The following PTPRA variants were observed in gnomAD, a reference collection of about 807,000 sequenced individuals.
The protein encoded by PTPRA is receptor-type tyrosine-protein phosphatase alpha.
PTPRA carries 25 observed loss-of-function variants against 104.8 expected under a neutral mutation model. The observed-to-expected ratio is 0.24, with a 90% confidence interval of 0.17 to 0.33. PTPRA has a LOEUF of 0.33. Among genes scored for constraint, PTPRA ranks in the 10% least tolerant of loss-of-function variants. The pLI is 1.00. For missense variants in PTPRA, 765 were observed against 1,015.3 expected (o/e 0.75, Z 3.35); for synonymous variants, 323 against 368.9 (o/e 0.88, Z 1.43).
At chr20:2,985,753 G>T (rs1216016092) in intron 6 of PTPRA, among the ~76,000 whole-genome samples, 1 of 152,178 alleles carries the variant, frequency 6.6e-6, no homozygotes, top group Non-Finnish European at 1.5e-5. Context: ...GGTGGCTGAG[G>T]ATCTAATAAT....
chr20:2,955,010 G>A (rs1469380407), intron 3 of PTPRA, among the ~76,000 whole-genome samples: 1 of 152,130 alleles, frequency 6.6e-6, no homozygotes, highest in Non-Finnish European at 1.5e-5. Context: ...TCTGTTACTG[G>A]TTCTATATTT....
intron 6 of PTPRA, among the ~76,000 whole-genome samples, chr20:2,977,657 G>A (rs1055115315): frequency 6.6e-6 from 1 of 151,674 alleles, no homozygotes; most frequent in Non-Finnish European, 1.5e-5. Context: ...AAAAAAAAAG[G>A]GCGGGGATTA....
chr20:2,907,518 A>T (rs1229650684), intron 1 of PTPRA, among the ~76,000 whole-genome samples: 2 of 152,264 alleles, frequency 1.3e-5, no homozygotes, highest in African/African-American at 2.4e-5. Context: ...AAACATGAAT[A>T]ACCACCTTAC....
intron 9 of PTPRA, among the ~76,000 whole-genome samples, chr20:3,002,415 C>T (rs751493017): frequency 6.7e-6 from 1 of 149,966 alleles, no homozygotes; most frequent in Non-Finnish European, 1.5e-5. Context: ...CAACCTCCAT[C>T]TCCCGGGTTC....
chr20:2,998,696 A>G (rs1018525907), intron 9 of PTPRA, among the ~76,000 whole-genome samples: 1 of 152,152 alleles, frequency 6.6e-6, no homozygotes, highest in South Asian at 2.1e-4. Flanking sequence ...ACTGGTGACT[A>G]TTGGGTGAGA....
At chr20:2,908,064 A>G (rs772038943) in intron 1 of PTPRA, among the ~76,000 whole-genome samples, 5 of 152,132 alleles carry the variant, frequency 3.3e-5, no homozygotes, top group Non-Finnish European at 7.4e-5. Flanking sequence ...CTAGAATATT[A>G]CTTTTCTTGC....
chr20:2,989,628 G>C (rs1368358930), intron 9 of PTPRA, among the ~76,000 whole-genome samples: 11 of 152,148 alleles, frequency 7.2e-5, no homozygotes, highest in Admixed American at 7.2e-4. Context: ...AGCTTCAAAG[G>C]AGGATAAGAG....
intron 5 of PTPRA, among the ~76,000 whole-genome samples, chr20:2,970,964 A>G (rs985181893): frequency 6.6e-6 from 1 of 152,184 alleles, no homozygotes; most frequent in Non-Finnish European, 1.5e-5. Context: ...CCTATCTTAT[A>G]TATTGAATTC....
At chr20:2,867,474 T>C in the PTPRA span, among the ~76,000 whole-genome samples, 1 of 131,748 alleles carries the variant, frequency 7.6e-6, no homozygotes, top group Non-Finnish European at 1.6e-5. Flanking sequence ...CTATCTAGCC[T>C]TCCGTTGGCA....
At chr20:3,010,150 G>A (rs2064089557) in intron 11 of PTPRA, among the ~76,000 whole-genome samples, 1 of 151,268 alleles carries the variant, frequency 6.6e-6, no homozygotes, top group Non-Finnish European at 1.5e-5. Flanking sequence ...GTGCCCAGCT[G>A]GAACATTTAT....
Position 3,022,231 on chromosome 20 carries a change from C to T in PTPRA, c.1328+11C>T, listed in dbSNP as rs1232832411. The T allele has an allele frequency of 6.2e-7, 1 of 1,613,534 alleles. No individual in the cohort carries two copies. The highest frequency in any genetic ancestry group is 8.5e-7 in the Non-Finnish European group (1 of 1,179,570). On this transcript the variant is annotated intron_variant, in intron 15 of 23. Coordinates refer to ENST00000399903, the MANE Select transcript of PTPRA (RefSeq NM_001385305.1). The surrounding 1 kb of genome is among the most constrained non-coding windows in gnomAD (Gnocchi z 4.6). ...CGTGGTCCACTGCAGGTCAGTGTGG[C>T]CTGACCCTTGTACCCCCACCCCCAC...
intron 6 of PTPRA, among the ~76,000 whole-genome samples, chr20:2,982,704 T>A (rs888774155): frequency 2.0e-5 from 3 of 152,062 alleles, no homozygotes; most frequent in African/African-American, 7.2e-5. Context: ...AGCAATTTTT[T>A]TTTTTTTTTT....
intron 1 of PTPRA, among the ~76,000 whole-genome samples, chr20:2,875,354 C>G (rs77275421): frequency 0.027 from 4,086 of 152,244 alleles, 165 homozygotes; most frequent in African/African-American, 0.081. Flanking sequence ...CTTTTCACCT[C>G]TGCCTGCTCA....
chr20:2,997,175 A>AT, intron 9 of PTPRA, among the ~76,000 whole-genome samples: 1 of 152,178 alleles, frequency 6.6e-6, no homozygotes, highest in East Asian at 1.9e-4. Flanking sequence ...AAAAATATGT[A>AT]TATCTGTGTG....
At chr20:3,024,192 T>C (rs1383830978) in intron 16 of PTPRA, among the ~76,000 whole-genome samples, 1 of 152,150 alleles carries the variant, frequency 6.6e-6, no homozygotes, top group Non-Finnish European at 1.5e-5. Context: ...CTATTAAATC[T>C]GCACTCTCAG....
At chr20:2,898,270 C>T (rs371310575) in intron 1 of PTPRA, among the ~76,000 whole-genome samples, 19 of 151,690 alleles carry the variant, frequency 1.3e-4, no homozygotes, top group African/African-American at 4.1e-4. Context: ...TTAGTAGAGA[C>T]GGGGTTTCAC....
intron 10 of PTPRA, among the ~76,000 whole-genome samples, chr20:3,006,192 A>G (rs1044944263): frequency 6.6e-6 from 1 of 152,014 alleles, no homozygotes; most frequent in Non-Finnish European, 1.5e-5. Context: ...ATCCTTTTAA[A>G]TTTTTTATTT....
At chr20:2,993,407 T>C (rs1468326326) in intron 9 of PTPRA, among the ~76,000 whole-genome samples, 1 of 152,224 alleles carries the variant, frequency 6.6e-6, no homozygotes. Context: ...CTCACATTGA[T>C]GTCATTAGCA....
intron 5 of PTPRA, among the ~76,000 whole-genome samples, chr20:2,967,017 T>G (rs1008552551): frequency 6.6e-6 from 1 of 152,218 alleles, no homozygotes; most frequent in African/African-American, 2.4e-5. Context: ...CATGTTCTAT[T>G]GTGTACTGTC....
Sources: allele counts gnomAD v4.1 joint callset (sites outside exome capture counted in the v4.1 genomes callset), GRCh38; gene constraint gnomAD v4.1.1; non-coding constraint Gnocchi (gnomAD v3.1); transcripts MANE v1.5; gene names NCBI Gene and HGNC (gene_info 2026-07-23, HGNC 2026-07-21).